The following FLI1 variants were observed in gnomAD, a reference collection of about 807,000 sequenced individuals.
The protein encoded by FLI1 is Fli-1 proto-oncogene, ETS transcription factor.
In FLI1, 13 loss-of-function variants were observed where a neutral mutation model predicts 53.1. The ratio of observed to expected loss-of-function variants is 0.24; its 90% CI spans 0.16 to 0.39. FLI1 has a LOEUF of 0.39. Ranked by LOEUF, FLI1 falls within the 10% of genes least tolerant of loss-of-function variation. FLI1 has a pLI of 1.00. For missense variants in FLI1, 424 were observed against 600.5 expected, an observed-to-expected ratio of 0.71 and a Z score of 3.07; for synonymous variants, 244 against 236.7, an observed-to-expected ratio of 1.03 and a Z score of -0.28.
chr11:128,711,398 A>G (rs1013759353), intron 1 of FLI1, among the ~76,000 whole-genome samples: 6 of 152,218 alleles, frequency 3.9e-5, no homozygotes, highest in African/African-American at 1.4e-4. Flanking sequence ...ATGAAAAGTG[A>G]ATGTTCAGCA....
intron 3 of FLI1, chr11:128,768,574 A>G: frequency 3.0e-6 from 1 of 337,626 alleles, no homozygotes. Flanking sequence ...TTATATTCCC[A>G]GCTACTCAGG....
At chr11:128,774,909 G>A (rs1468143242) in intron 4 of FLI1, among the ~76,000 whole-genome samples, 2 of 143,188 alleles carry the variant, frequency 1.4e-5, no homozygotes, top group Non-Finnish European at 3.1e-5. Flanking sequence ...ACCTTCTATT[G>A]GAGAAGAGCA....
intron 6 of FLI1, chr11:128,806,931 T>C (rs1942796946): frequency 5.5e-6 from 2 of 365,896 alleles, no homozygotes; most frequent in Non-Finnish European, 9.7e-6. Flanking sequence ...TTTAAAAATG[T>C]GTTTATTATT....
intron 1 of FLI1, among the ~76,000 whole-genome samples, chr11:128,726,881 G>A (rs972175002): frequency 6.6e-6 from 1 of 152,118 alleles, no homozygotes; most frequent in African/African-American, 2.4e-5. Flanking sequence ...ATGACAGAAC[G>A]CTTCAAGGAG....
intron 5 of FLI1, among the ~76,000 whole-genome samples, chr11:128,791,206 A>T (rs1190941170): frequency 6.6e-6 from 1 of 152,154 alleles, no homozygotes; most frequent in Non-Finnish European, 1.5e-5. Context: ...TCAGTAATAC[A>T]GCTTTGCCCA....
At chr11:128,700,200 C>T (rs1423016200) in intron 1 of FLI1, among the ~76,000 whole-genome samples, 2 of 152,244 alleles carry the variant, frequency 1.3e-5, no homozygotes, top group South Asian at 4.1e-4. Flanking sequence ...GGCCCACACA[C>T]TCTTGCATCC....
At position 128,798,623 on chromosome 11, in the gene FLI1, A is replaced by C. The variant is rs1014822666; in HGVS notation, c.656-6743A>C. Among the ~76,000 whole-genome samples, 11 of 152,280 alleles carry C rather than the reference A, an allele frequency of 7.2e-5. No individual in the cohort carries two copies. The East Asian group carries it at 2.1e-3, about 29-fold the overall frequency. Reference sequence around the variant, plus strand: ...GATTCCAGGACAAGATCCTTGAGCAAAGGAAACCTGATCCAGGATGTTTTT... The same window carrying C: ...GATTCCAGGACAAGATCCTTGAGCACAGGAAACCTGATCCAGGATGTTTTT... On this transcript the variant is annotated intron_variant, in intron 5 of 8. Transcript: ENST00000527786.
intron 2 of FLI1, among the ~76,000 whole-genome samples, chr11:128,761,993 G>T (rs1402333107): frequency 2.0e-5 from 3 of 152,094 alleles, no homozygotes; most frequent in Admixed American, 2.0e-4. Flanking sequence ...AGCAGCTTAG[G>T]CACAGCTATC....
intron 1 of FLI1, among the ~76,000 whole-genome samples, chr11:128,751,127 G>A (rs955195029): frequency 2.6e-5 from 4 of 152,188 alleles, no homozygotes; most frequent in African/African-American, 7.2e-5. Flanking sequence ...GAGTGGACAC[G>A]CAGATTAGTG....
chr11:128,725,296 C>T (rs1027532858), intron 1 of FLI1, among the ~76,000 whole-genome samples: 3 of 152,182 alleles, frequency 2.0e-5, no homozygotes, highest in Non-Finnish European at 4.4e-5. Context: ...CTGTATCTCC[C>T]GCTTCCTCCC....
At chr11:128,784,045 G>C (rs1285316503) in intron 5 of FLI1, among the ~76,000 whole-genome samples, 1 of 152,168 alleles carries the variant, frequency 6.6e-6, no homozygotes, top group Non-Finnish European at 1.5e-5. Context: ...CTGAACTGCT[G>C]AGTTCGGATT....
intron 1 of FLI1, among the ~76,000 whole-genome samples, chr11:128,742,087 C>A (rs1197513438): frequency 6.6e-6 from 1 of 152,210 alleles, no homozygotes; most frequent in Non-Finnish European, 1.5e-5. Context: ...CATCTGTGTG[C>A]ACAGCCTGTG....
intron 1 of FLI1, among the ~76,000 whole-genome samples, chr11:128,730,387 C>T (rs1418508945): frequency 1.3e-5 from 2 of 152,180 alleles, no homozygotes; most frequent in African/African-American, 4.8e-5. Context: ...CTATTCATTT[C>T]TGTGCTTACT....
At chr11:128,685,673 T>C (rs1053512129), upstream of FLI1, among the ~76,000 whole-genome samples, 1 of 127,332 alleles carries the variant, frequency 7.9e-6, no homozygotes, top group African/African-American at 3.1e-5. Context: ...ACCTTGTCCC[T>C]GCACTAGTGT....
At chr11:128,739,574 G>T (rs549902933) in intron 1 of FLI1, among the ~76,000 whole-genome samples, 1 of 152,288 alleles carries the variant, frequency 6.6e-6, no homozygotes, top group Non-Finnish European at 1.5e-5. Flanking sequence ...AAGGATTGTT[G>T]GCTGAGAGTG....
In FLI1 at chr11:128,790,253, A is replaced by ATTT. The variant is rs34130629; in HGVS notation, c.655+8241_655+8243dup. On this transcript the variant is annotated intron_variant, in intron 5 of 8. Transcript: ENST00000527786. ...TATCTGACCCTCTTCGGAGAGTTGC[A>ATTT]TTTTTTTTTTTTTCCACGAGAGAGA... Among the ~76,000 whole-genome samples, 923 of 141,284 alleles carry ATTT rather than the reference A, an allele frequency of 6.5e-3. 18 individuals carry two copies. The highest frequency in any genetic ancestry group is 0.012 in the African/African-American group (462 of 38,004). The allele number at this position is 141,284 out of a possible 152,430, so 92.7% of individuals were successfully genotyped here. A position where few individuals can be genotyped will look rare whatever the true frequency, so the allele number is the denominator to read the frequency against.
intron 5 of FLI1, among the ~76,000 whole-genome samples, chr11:128,786,926 G>A (rs967610161): frequency 6.6e-6 from 1 of 152,224 alleles, no homozygotes; most frequent in Non-Finnish European, 1.5e-5. Context: ...GCCCCAGCCT[G>A]GAGCCTTTCA....
intron 2 of FLI1, among the ~76,000 whole-genome samples, chr11:128,765,530 C>A (rs569828821): frequency 3.9e-4 from 60 of 152,330 alleles, no homozygotes; most frequent in Non-Finnish European, 8.5e-4. Flanking sequence ...ACCATCCTGC[C>A]CCCTGCTGTA....
At chr11:128,740,716 A>G (rs1940097445) in intron 1 of FLI1, among the ~76,000 whole-genome samples, 2 of 152,342 alleles carry the variant, frequency 1.3e-5, no homozygotes, top group East Asian at 1.9e-4. Context: ...CTTAGATCAG[A>G]CAATGTTGGC....
Sources: allele counts gnomAD v4.1 joint callset (sites outside exome capture counted in the v4.1 genomes callset), GRCh38; gene constraint gnomAD v4.1.1; transcripts MANE v1.5; gene names NCBI Gene and HGNC (gene_info 2026-07-23, HGNC 2026-07-21).